Variants in RBFOX1 observed in about 807,000 individuals in gnomAD.
The protein encoded by RBFOX1 is RNA binding fox-1 homolog 1, also known as RNA binding protein fox-1 homolog 1.
RBFOX1 carries 8 observed loss-of-function variants against 57.7 expected under a neutral mutation model. The ratio of observed to expected loss-of-function variants is 0.14; its 90% CI spans 0.08 to 0.25. The LOEUF is 0.25. RBFOX1 is among the 10% of genes least tolerant of loss of function. The pLI is 1.00. For synonymous variants in RBFOX1, 326 were observed against 222.4 expected (o/e 1.47, Z -4.15); for missense variants, 611 against 548.5 (o/e 1.11, Z -1.14).
chr16:6,891,801 A>C (rs141596211), intron 3 of RBFOX1, among the ~76,000 whole-genome samples: 1,881 of 152,266 alleles, frequency 0.012, 22 homozygotes, highest in Non-Finnish European at 0.02. Flanking sequence ...AAATAGAGCA[A>C]AGGTTGAGCC....
intron 1 of RBFOX1, among the ~76,000 whole-genome samples, chr16:6,246,823 C>G (rs1333375601): frequency 1.3e-5 from 2 of 152,126 alleles, no homozygotes; most frequent in Non-Finnish European, 2.9e-5. Context: ...AATCCCAGCA[C>G]TTTAGATGGC....
chr16:5,522,895 G>A (rs2044075895), intron 2 of RBFOX1, among the ~76,000 whole-genome samples: 1 of 152,138 alleles, frequency 6.6e-6, no homozygotes, highest in South Asian at 2.1e-4. Context: ...TGGCTGAATA[G>A]CATTCCATCG....
chr16:7,705,012 C>G (rs1055986021), intron 14 of RBFOX1, among the ~76,000 whole-genome samples: 2 of 148,538 alleles, frequency 1.3e-5, no homozygotes, highest in Admixed American at 6.7e-5. Context: ...TCACTGCACT[C>G]CAGCCGAGGT....
intron 1 of RBFOX1, among the ~76,000 whole-genome samples, chr16:5,339,085 A>G (rs541499698): frequency 2.0e-5 from 3 of 152,138 alleles, no homozygotes; most frequent in East Asian, 1.9e-4. Flanking sequence ...AGTTACCACG[A>G]TGTACAGTAG....
intron 1 of RBFOX1, among the ~76,000 whole-genome samples, chr16:6,170,438 G>A (rs763424087): frequency 6.6e-6 from 1 of 152,114 alleles, no homozygotes; most frequent in Non-Finnish European, 1.5e-5. Context: ...GGAATTGTGG[G>A]CTCCTCTTCT....
intron 3 of RBFOX1, among the ~76,000 whole-genome samples, chr16:7,022,155 T>A (rs2039496182): frequency 1.4e-5 from 2 of 147,706 alleles, no homozygotes; most frequent in Admixed American, 1.4e-4. Context: ...CTCTGCCTCC[T>A]GGGTTATAAA....
intron 1 of RBFOX1, among the ~76,000 whole-genome samples, chr16:5,266,955 A>G (rs1427880299): frequency 2.0e-5 from 3 of 152,200 alleles, no homozygotes; most frequent in African/African-American, 4.8e-5. Flanking sequence ...AAAATTGGTC[A>G]TAATAGGAAT....
intron 4 of RBFOX1, among the ~76,000 whole-genome samples, chr16:5,875,393 A>G (rs2057579364): frequency 6.6e-6 from 1 of 152,192 alleles, no homozygotes. Flanking sequence ...CTCCAGTCCC[A>G]GTGAGTGGTG....
At chr16:7,120,242 C>G (rs1274890474) in intron 4 of RBFOX1, among the ~76,000 whole-genome samples, 1 of 151,626 alleles carries the variant, frequency 6.6e-6, no homozygotes, top group Non-Finnish European at 1.5e-5. Flanking sequence ...TAAGAACGTT[C>G]TCAAATCAAC....
chr16:6,574,930 C>T (rs1021456704), intron 2 of RBFOX1, among the ~76,000 whole-genome samples: 5 of 150,956 alleles, frequency 3.3e-5, no homozygotes, highest in East Asian at 4.1e-4. Flanking sequence ...CCCAGCTACT[C>T]GGGAGGCTGA....
intron 1 of RBFOX1, among the ~76,000 whole-genome samples, chr16:5,298,162 T>C (rs2063714102): frequency 6.6e-6 from 1 of 152,230 alleles, no homozygotes; most frequent in African/African-American, 2.4e-5. Context: ...CTAGATATTC[T>C]GATGGTTTAA....
intron 14 of RBFOX1, among the ~76,000 whole-genome samples, chr16:7,707,694 C>T (rs1391119389): frequency 6.6e-6 from 1 of 152,154 alleles, no homozygotes. Flanking sequence ...TCAGGAAAGC[C>T]CACAGCTAAT....
At chr16:7,285,685 C>T (rs2095637014) in intron 4 of RBFOX1, among the ~76,000 whole-genome samples, 1 of 152,160 alleles carries the variant, frequency 6.6e-6, no homozygotes, top group African/African-American at 2.4e-5. Flanking sequence ...CCTGGAGACT[C>T]ATTGAAACTG....
At chr16:7,665,578 A>T (rs1175189233) in intron 13 of RBFOX1, among the ~76,000 whole-genome samples, 1 of 152,144 alleles carries the variant, frequency 6.6e-6, no homozygotes, top group African/African-American at 2.4e-5. Flanking sequence ...TAACACTTTA[A>T]GTTTATTTTT....
Position 6,441,010 on chromosome 16 carries a change from T to C in RBFOX1, c.-64+123953T>C, listed in dbSNP as rs148114486. 4.6e-3 allele frequency among the ~76,000 whole-genome samples: 697 copies of C among 152,012 alleles called. 2 individuals are homozygous for C. Among genetic ancestry groups the C allele is most frequent in the Middle Eastern group, 0.01 (3 of 294 alleles). On this transcript the variant is annotated intron_variant, in intron 2 of 15. Coordinates refer to ENST00000550418, the MANE Select transcript of RBFOX1 (RefSeq NM_018723.4). ...GAGGTGGAGTTGGAAGCAAACATGATTGGAGTCAGTGATGAGAAAGACAAG... is the reference window on the plus strand; with the variant it reads ...GAGGTGGAGTTGGAAGCAAACATGACTGGAGTCAGTGATGAGAAAGACAAG...
At chr16:7,611,431 T>A (rs888795480) in intron 10 of RBFOX1, among the ~76,000 whole-genome samples, 8 of 152,112 alleles carry the variant, frequency 5.3e-5, no homozygotes, top group African/African-American at 1.9e-4. Flanking sequence ...ACAAAAGATC[T>A]AGCTGGGCAT....
intron 3 of RBFOX1, among the ~76,000 whole-genome samples, chr16:6,937,302 TTCC>T (rs1424424038): frequency 6.6e-6 from 1 of 152,164 alleles, no homozygotes; most frequent in Non-Finnish European, 1.5e-5. Context: ...TTTACCTTCA[TTCC>T]CACATCCCCC....
chr16:5,882,825 C>T (rs116538449), intron 4 of RBFOX1, among the ~76,000 whole-genome samples: 2 of 152,240 alleles, frequency 1.3e-5, no homozygotes, highest in East Asian at 1.9e-4. Context: ...GATTTGGACT[C>T]TGGGTATATT....
chr16:6,675,567 T>C (rs2057493617), intron 3 of RBFOX1, among the ~76,000 whole-genome samples: 1 of 152,186 alleles, frequency 6.6e-6, no homozygotes, highest in African/African-American at 2.4e-5. Flanking sequence ...GTTTTCACAC[T>C]GCTGATAAAG....
Sources: gnomAD v4.1 joint callset for allele counts (sites outside exome capture counted in the v4.1 genomes callset) on GRCh38, gnomAD v4.1.1 for gene constraint, MANE v1.5 for transcripts, NCBI Gene and HGNC (gene_info 2026-07-23, HGNC 2026-07-21) for gene names.